Variants in NUP214 observed in about 807,000 individuals in gnomAD.
NUP214 encodes nuclear pore complex protein Nup214.
NUP214 carries 79 observed loss-of-function variants against 196.2 expected under a neutral mutation model. The ratio of observed to expected loss-of-function variants is 0.40; its 90% CI spans 0.34 to 0.49. The LOEUF (loss-of-function observed/expected upper bound fraction) is 0.49. NUP214 is among the 20% of genes least tolerant of loss of function. The probability of loss-of-function intolerance (pLI) is 0.58; values close to 1 mark genes in which losing one functional copy is unlikely to be tolerated. For missense variants in NUP214, 2,468 were observed against 2,539.0 expected, an observed-to-expected ratio of 0.97 and a Z score of 0.60; for synonymous variants, 1,020 against 990.5, an observed-to-expected ratio of 1.03 and a Z score of -0.56.
intron 31 of NUP214, among the ~76,000 whole-genome samples, chr9:131,222,252 T>C (rs1834582357): frequency 6.6e-6 from 1 of 152,228 alleles, no homozygotes; most frequent in Non-Finnish European, 1.5e-5. Flanking sequence ...CAGGCAGCCA[T>C]AAGCATGCTG....
At chr9:131,132,213 G>A (rs1301718379) in intron 5 of NUP214, among the ~76,000 whole-genome samples, 1 of 144,754 alleles carries the variant, frequency 6.9e-6, no homozygotes, top group Non-Finnish European at 1.5e-5. Context: ...TATGCCTCCT[G>A]GGTTCAAGCA....
rs1834772458 is a variant in NUP214 at position 131,228,057 on chromosome 9, T to C, written c.5903-103T>C. ...ATTGCTAACATCCTCTTTTCCCTTTTTTCTTCCTATTTTGATTTGGTTTCT... is the reference window on the plus strand; with the variant it reads ...ATTGCTAACATCCTCTTTTCCCTTTCTTCTTCCTATTTTGATTTGGTTTCT... On this transcript the variant is annotated intron_variant, in intron 32 of 35. Transcript: ENST00000359428. The C allele has an allele frequency of 4.2e-6, 5 of 1,185,432 alleles. 1 individual carries two copies. In the East Asian group the frequency reaches 1.4e-4, roughly 34 times the overall value. The allele number at this position is 1,185,432 out of a possible 1,614,324, so 73.4% of individuals were successfully genotyped here.
At chr9:131,130,345 A>G (rs1002462922) in intron 4 of NUP214, among the ~76,000 whole-genome samples, 1 of 151,652 alleles carries the variant, frequency 6.6e-6, no homozygotes, top group African/African-American at 2.4e-5. Flanking sequence ...GGGTTTCACC[A>G]TGTTGGCCAG....
intron 26 of NUP214, among the ~76,000 whole-genome samples, chr9:131,189,632 AT>A (rs979017444): frequency 2.0e-5 from 3 of 152,194 alleles, no homozygotes; most frequent in Non-Finnish European, 4.4e-5. Context: ...ATATTATGAG[AT>A]TTTATGGCTT....
intron 17 of NUP214, among the ~76,000 whole-genome samples, chr9:131,154,749 A>C (rs186155397): frequency 5.3e-5 from 8 of 152,362 alleles, no homozygotes; most frequent in Admixed American, 5.2e-4. Context: ...CTTCACTTAG[A>C]ATAATGGTCT....
intron 14 of NUP214, among the ~76,000 whole-genome samples, chr9:131,148,509 A>C (rs1181125440): frequency 6.6e-6 from 1 of 152,164 alleles, no homozygotes; most frequent in African/African-American, 2.4e-5. Context: ...TAGAATCTGC[A>C]TGTATTCCTC....
chr9:131,147,680 AC>A, intron 14 of NUP214, 96 bp downstream of exon 14: 1 of 940,584 alleles, frequency 1.1e-6, no homozygotes. Flanking sequence ...TATAATTCAG[AC>A]CTTGGACATA....
chr9:131,145,867 T>G (rs550927612), intron 12 of NUP214, among the ~76,000 whole-genome samples: 1 of 152,218 alleles, frequency 6.6e-6, no homozygotes, highest in Admixed American at 6.5e-5. Flanking sequence ...ACTTGGTATT[T>G]CATATTGTGA....
At chr9:131,159,519 A>C in intron 18 of NUP214, 33 bp downstream of exon 18, 2 of 1,473,860 alleles carry the variant, frequency 1.4e-6, no homozygotes, top group South Asian at 2.3e-5. Flanking sequence ...AATGTGTTGG[A>C]ATAGATATTG....
At chr9:131,230,825 C>T (rs561757350) in intron 34 of NUP214, 56 bp downstream of exon 34, 2 of 1,566,300 alleles carry the variant, frequency 1.3e-6, no homozygotes, top group African/African-American at 1.4e-5. Context: ...TTGCCTTCTC[C>T]CCCAAAGAAA....
chr9:131,141,766 A>G (rs1019826715), intron 11 of NUP214: 1 of 152,228 alleles, frequency 6.6e-6, no homozygotes, highest in African/African-American at 2.4e-5. Flanking sequence ...CGCATGATAC[A>G]CTGTGCATGA....
intron 18 of NUP214, chr9:131,162,740 C>G (rs573564733): frequency 2.2e-6 from 1 of 457,336 alleles, no homozygotes; most frequent in South Asian, 2.6e-5. Flanking sequence ...CAGGTTTCAC[C>G]TAATGTATGC....
In NUP214 at chr9:131,157,380, C is replaced by G. The variant is rs149331852; in HGVS notation, c.2437-2003C>G. On this transcript the variant is annotated intron_variant, in intron 17 of 35. Coordinates refer to ENST00000359428, the MANE Select transcript of NUP214 (RefSeq NM_005085.4). ...CTTGCTGTGTTGCCCAAGCAGGTCT[C>G]GAACACCTGGGCCCTAGCACTCCTA... is the stretch of plus-strand genomic sequence containing the variant. Among the ~76,000 whole-genome samples the G allele has an allele frequency of 1.9e-3, 292 of 151,280 alleles. 3 individuals are homozygous for G. The highest frequency in any genetic ancestry group is 6.8e-3 in the African/African-American group (279 of 41,186).
intron 21 of NUP214, among the ~76,000 whole-genome samples, chr9:131,166,855 C>T (rs1412887313): frequency 1.3e-5 from 2 of 152,022 alleles, no homozygotes; most frequent in Non-Finnish European, 2.9e-5. Flanking sequence ...CCCACTTACC[C>T]CTCACCCATA....
chr9:131,223,727 A>ATTTATTTATTTATTTATTTATTT, intron 32 of NUP214, among the ~76,000 whole-genome samples: 2 of 15,656 alleles, frequency 1.3e-4, no homozygotes, highest in African/African-American at 3.0e-4. Context: ...TTATTTATTT[A>ATTTATTTATTTATTTATTTATTT]TTTTTTTTTT....
intron 18 of NUP214, among the ~76,000 whole-genome samples, chr9:131,159,746 A>G (rs997498525): frequency 6.6e-6 from 1 of 152,108 alleles, no homozygotes; most frequent in Non-Finnish European, 1.5e-5. Flanking sequence ...AATCCCAGCT[A>G]CTATGGAGGC....
At chr9:131,139,222 C>T (rs1831831871) in intron 9 of NUP214, 59 bp from the exon 10 acceptor site, 22 of 1,425,576 alleles carry the variant, frequency 1.5e-5, no homozygotes, top group Non-Finnish European at 1.6e-5. Flanking sequence ...AAGCTCTAAC[C>T]AACATGGCTT....
In NUP214 at chr9:131,198,364, G is replaced by T; in HGVS notation, c.4870G>T (p.Val1624Phe). The T allele has an allele frequency of 6.2e-7, 1 of 1,614,220 alleles. No individual in the cohort carries two copies. The highest frequency in any genetic ancestry group is 8.5e-7 in the Non-Finnish European group (1 of 1,180,044). ...TPIASSTTSI[V>F]APGPSAEAAA... The stretch of plus-strand genomic sequence containing the variant: ...CATAGCCTCCAGCACCACGTCCATT[G>T]TTGCTCCCGGCCCATCTGCAGAGGC... Residue 1624 changes from valine (V) to phenylalanine (F), a missense_variant, in exon 29 of 36, where the codon GTT (valine) becomes TTT (phenylalanine). Val to Phe is a conservative substitution (Grantham distance 50). Around this residue, in one of 5 missense-constraint regions of NUP214, gnomAD observed 1,801 missense variants for 1,779.4 expected, o/e 1.01. Coordinates refer to ENST00000359428, the MANE Select transcript of NUP214 (RefSeq NM_005085.4).
chr9:131,143,431 T>G (rs1321050319), intron 11 of NUP214, among the ~76,000 whole-genome samples: 2 of 151,506 alleles, frequency 1.3e-5, no homozygotes, highest in South Asian at 2.1e-4. Flanking sequence ...TTTTTTACAG[T>G]TTTTTATACA....
Sources: gnomAD v4.1 joint callset for allele counts (sites outside exome capture counted in the v4.1 genomes callset) on GRCh38, gnomAD v4.1.1 for gene constraint, gnomAD v4.1.1 regional missense constraint, MANE v1.5 for transcripts, NCBI Gene and HGNC (gene_info 2026-07-23, HGNC 2026-07-21) for gene names.